KIAA0825: variants seen among roughly 807,000 people sequenced by gnomAD.
KIAA0825 encodes uncharacterized protein KIAA0825.
KIAA0825 carries 119 observed loss-of-function variants against 147.6 expected under a neutral mutation model. The ratio of observed to expected loss-of-function variants is 0.81; its 90% CI spans 0.69 to 0.94. The LOEUF (loss-of-function observed/expected upper bound fraction) is 0.94. KIAA0825 is among the 40% of genes least tolerant of loss of function. KIAA0825 has a pLI of 0.00. For synonymous variants in KIAA0825, 470 were observed against 518.1 expected (o/e 0.91, Z 1.26); for missense variants, 1,381 against 1,472.7 (o/e 0.94, Z 1.02).
At chr5:94,260,521 G>A (rs1776439583) in intron 20 of KIAA0825, among the ~76,000 whole-genome samples, 1 of 152,124 alleles carries the variant, frequency 6.6e-6, no homozygotes. Context: ...AGGTTTAAAA[G>A]TCTTTCCAAA....
chr5:94,275,950 T>TA (rs941359839), intron 20 of KIAA0825, among the ~76,000 whole-genome samples: 1 of 152,118 alleles, frequency 6.6e-6, no homozygotes, highest in Non-Finnish European at 1.5e-5. Context: ...AATGAACAGA[T>TA]ACAATGGCCA....
rs1307496999 is a variant in KIAA0825 at position 94,465,052 on chromosome 5, C to A, written c.1880G>T (p.Arg627Ile). 8.4e-6 allele frequency: 13 copies of A among 1,551,232 alleles called. No homozygotes were observed. The highest frequency in any genetic ancestry group is 1.1e-5 in the Non-Finnish European group (13 of 1,146,718). The stretch of plus-strand genomic sequence containing the variant: ...CCACATCTGGATCGAGAAGGAACAT[C>A]TTTCCCCCTGGCAAAGCCAGCACAC... ...DDYKAFYEGE[R>I]CSFSIQMWHY... Residue 627 changes from arginine to isoleucine, a missense_variant, in exon 11 of 21, where the codon AGA (arginine) becomes ATA (isoleucine). Arg to Ile is a moderately conservative substitution (Grantham distance 97, BLOSUM62 -3). Transcript: ENST00000682413.
intron 20 of KIAA0825, among the ~76,000 whole-genome samples, chr5:94,366,284 G>C (rs183386768): frequency 1.3e-5 from 2 of 152,130 alleles, no homozygotes; most frequent in African/African-American, 4.8e-5. Flanking sequence ...AACCCACTGC[G>C]GGGTTACATT....
At chr5:94,378,385 T>C (rs905022499) in intron 20 of KIAA0825, among the ~76,000 whole-genome samples, 2 of 152,198 alleles carry the variant, frequency 1.3e-5, no homozygotes, top group Non-Finnish European at 2.9e-5. Context: ...ATAAGTTTGC[T>C]TAGGATAATG....
At chr5:94,525,876 T>C (rs1480808211) in intron 3 of KIAA0825, among the ~76,000 whole-genome samples, 1 of 152,050 alleles carries the variant, frequency 6.6e-6, no homozygotes, top group Non-Finnish European at 1.5e-5. Flanking sequence ...GTCCAAATAC[T>C]GACAAAGGGA....
At chr5:94,311,691 A>G (rs553293083) in intron 20 of KIAA0825, among the ~76,000 whole-genome samples, 1 of 151,794 alleles carries the variant, frequency 6.6e-6, no homozygotes, top group African/African-American at 2.4e-5. Context: ...TCTCAACACA[A>G]TAAAACTATT....
chr5:94,154,328 A>G (rs1160627970), intron 20 of KIAA0825, among the ~76,000 whole-genome samples: 1 of 152,220 alleles, frequency 6.6e-6, no homozygotes, highest in Non-Finnish European at 1.5e-5. Context: ...ACAAAAGTAG[A>G]GTGAAATCAG....
At chr5:94,511,356 C>G (rs1766445615) in intron 5 of KIAA0825, among the ~76,000 whole-genome samples, 1 of 152,222 alleles carries the variant, frequency 6.6e-6, no homozygotes, top group Admixed American at 6.5e-5. Context: ...CGTGGTGGCT[C>G]ACACCTGTAA....
At chr5:94,165,444 T>C (rs1767945573) in intron 20 of KIAA0825, among the ~76,000 whole-genome samples, 1 of 152,096 alleles carries the variant, frequency 6.6e-6, no homozygotes, top group Non-Finnish European at 1.5e-5. Context: ...AGGAAAACAG[T>C]TGGAGGTTCC....
At chr5:94,586,645 C>T (rs541657939) in intron 1 of KIAA0825, among the ~76,000 whole-genome samples, 5 of 152,184 alleles carry the variant, frequency 3.3e-5, no homozygotes, top group Non-Finnish European at 7.3e-5. Flanking sequence ...CCTTCTGAGA[C>T]TATTCCAATC....
intron 2 of KIAA0825, among the ~76,000 whole-genome samples, chr5:94,580,116 G>A (rs886068200): frequency 6.6e-6 from 1 of 151,988 alleles, no homozygotes; most frequent in Non-Finnish European, 1.5e-5. Flanking sequence ...GAAAACTGTA[G>A]GAAATTTATT....
chr5:94,187,238 G>C (rs1265325383), intron 20 of KIAA0825, among the ~76,000 whole-genome samples: 1 of 151,782 alleles, frequency 6.6e-6, no homozygotes, highest in African/African-American at 2.4e-5. Context: ...TGAAAATTCT[G>C]ATTAGATGGC....
chr5:94,554,716 CTATA>C (rs70978114), intron 2 of KIAA0825, among the ~76,000 whole-genome samples: 7,467 of 65,892 alleles, frequency 0.11, 278 homozygotes, highest in Non-Finnish European at 0.13. Flanking sequence ...GTTCTGTGTA[CTATA>C]TATATATATA....
intron 16 of KIAA0825, among the ~76,000 whole-genome samples, chr5:94,398,568 T>C (rs1750975761): frequency 6.6e-6 from 1 of 152,182 alleles, no homozygotes; most frequent in Non-Finnish European, 1.5e-5. Context: ...ACCATTTTGG[T>C]AATTAGGTCC....
intron 6 of KIAA0825, among the ~76,000 whole-genome samples, chr5:94,481,566 C>T (rs1467972382): frequency 2.0e-5 from 3 of 152,036 alleles, no homozygotes; most frequent in Non-Finnish European, 4.4e-5. Context: ...CAGGTGGCCA[C>T]CTTGCAAATT....
At chr5:94,411,673 G>A (rs1752784252) in intron 15 of KIAA0825, among the ~76,000 whole-genome samples, 2 of 152,180 alleles carry the variant, frequency 1.3e-5, no homozygotes, top group Non-Finnish European at 2.9e-5. Flanking sequence ...ACTGGGCCAG[G>A]CGTGGTGGCT....
At chr5:94,389,357 C>T (rs150467612) in intron 18 of KIAA0825, among the ~76,000 whole-genome samples, 2 of 152,212 alleles carry the variant, frequency 1.3e-5, no homozygotes, top group South Asian at 2.1e-4. Flanking sequence ...CCAGTAAAAC[C>T]CCATGTCTTG....
intron 1 of KIAA0825, among the ~76,000 whole-genome samples, chr5:94,591,079 AAAG>A (rs1454555433): frequency 2.0e-5 from 3 of 152,216 alleles, no homozygotes; most frequent in Admixed American, 6.6e-5. Context: ...TTAAAAAGGT[AAAG>A]AAGTTATATT....
intron 1 of KIAA0825, chr5:94,594,464 A>T: frequency 1.3e-6 from 1 of 742,628 alleles, no homozygotes; most frequent in Non-Finnish European, 2.5e-6. Flanking sequence ...TCTTGGAAGA[A>T]AGAAAAAAAT....
Sources: gnomAD v4.1 joint callset for allele counts (sites outside exome capture counted in the v4.1 genomes callset) on GRCh38, gnomAD v4.1.1 for gene constraint, MANE v1.5 for transcripts, NCBI Gene and HGNC (gene_info 2026-07-23, HGNC 2026-07-21) for gene names.